Variants in MTMR11 observed in about 807,000 individuals in gnomAD.
The protein encoded by MTMR11 is myotubularin-related protein 11.
MTMR11 carries 89 observed loss-of-function variants against 100.0 expected under a neutral mutation model. That is an observed-to-expected ratio of 0.89 (90% CI 0.75 to 1.06). The LOEUF is 1.06. MTMR11 is among the 50% of genes least tolerant of loss of function. The pLI, the probability that MTMR11 is intolerant of heterozygous loss-of-function variation, is 0.00. For synonymous variants in MTMR11, 336 were observed against 326.3 expected (o/e 1.03, Z -0.32); for missense variants, 809 against 873.7 (o/e 0.93, Z 0.93).
In MTMR11 at chr1:149,930,516, C is replaced by G; in HGVS notation, c.1496G>C (p.Gly499Ala). The G allele has an allele frequency of 6.2e-7, 1 of 1,613,838 alleles. No individual in the cohort carries two copies. Among genetic ancestry groups the G allele is most frequent in the Non-Finnish European group, 8.5e-7 (1 of 1,179,882 alleles). ...LNSYTQVYTP[G>A]YSQPPAGNSF... ...GTTCCCAGCTGGAGGCTGGGAGTAT[C>G]CTGGGGTGTAGACTTGTGTATAGGA... Residue 499 changes from glycine (G) to alanine (A), a missense_variant, in exon 15 of 17, where the codon GGA becomes GCA. Coordinates refer to ENST00000439741, the MANE Select transcript of MTMR11 (RefSeq NM_001145862.2).
rs1160577019 is a variant in MTMR11, at chr1:149,936,729, C to CT, written c.-83dup. On this transcript the variant is annotated 5_prime_UTR_variant, in exon 1 of 17. The change creates a premature stop within an existing upstream ORF in the 5' untranslated region. Transcript: ENST00000439741. Reference sequence around the variant, plus strand: ...CACCCACCTCGGGGAGAGGCTGAGTCTTGTTGAGAAGAGGGGTGTTAGGGA... The same window carrying CT: ...CACCCACCTCGGGGAGAGGCTGAGTCTTTGTTGAGAAGAGGGGTGTTAGGGA... 2.1e-6 allele frequency: 2 copies of CT among 942,166 alleles called. No individual in the cohort carries two copies. The highest frequency in any genetic ancestry group is 1.4e-5 in the South Asian group (1 of 71,530). The allele number at this position is 942,166 out of a possible 1,614,324, so 58.4% of individuals were successfully genotyped here.
intron 2 of MTMR11, 114 bp from the exon 3 acceptor site, chr1:149,935,819 C>A: frequency 8.1e-7 from 1 of 1,233,704 alleles, no homozygotes; most frequent in Non-Finnish European, 1.1e-6. Context: ...AAATCCTCCC[C>A]AAAGCCCACT....
Position 149,933,795 on chromosome 1 carries a change from G to C in MTMR11, c.771+60C>G. ...ACCTCACAGAGGTTCCTCCCTCCAC[G>C]ATGTCCCTGGCCCACATGACCCTCT... On this transcript the variant is annotated intron_variant, in intron 8 of 16. Transcript: ENST00000439741. 1.9e-6 allele frequency: 3 copies of C among 1,605,888 alleles called. No homozygotes were observed. The South Asian group carries it at 3.3e-5, about 18-fold the overall frequency.
chr1:149,932,684 G>T (rs191500083), intron 10 of MTMR11, among the ~76,000 whole-genome samples: 15 of 152,104 alleles, frequency 9.9e-5, no homozygotes, highest in Non-Finnish European at 1.9e-4. Flanking sequence ...GACGGCTTGT[G>T]CCTGTAATCC....
intron 5 of MTMR11, 62 bp downstream of exon 5, chr1:149,934,924 G>A (rs2092703844): frequency 6.4e-7 from 1 of 1,568,458 alleles, no homozygotes; most frequent in African/African-American, 1.4e-5. Context: ...CTCAGAAATT[G>A]TCAGGGAGAG....
intron 2 of MTMR11, 106 bp downstream of exon 2, chr1:149,936,048 C>T: frequency 3.9e-6 from 5 of 1,271,266 alleles, no homozygotes; most frequent in Non-Finnish European, 5.7e-6. Context: ...GGCAGACGTA[C>T]TTCGAGCCAC....
chr1:149,930,687 T>A, intron 14 of MTMR11, 105 bp downstream of exon 14: 1 of 1,366,418 alleles, frequency 7.3e-7, no homozygotes, highest in Non-Finnish European at 9.9e-7. Flanking sequence ...AATCTCCCCC[T>A]CCCCACTCAC....
In MTMR11 at chr1:149,933,433, G is replaced by A. The variant is rs781926666; in HGVS notation, c.958C>T (p.Leu320=). Residue 320 remains leucine, a synonymous_variant, in exon 10 of 17, where the codon CTG becomes TTG. Coordinates refer to ENST00000439741, the MANE Select transcript of MTMR11 (RefSeq NM_001145862.2). ...GGCAGGCAGAGGGCCCTCAGCCTCA[G>A]GTGGGCAAGTTGGACATCTGCAAGG... ...PSLADVQLAH[L]RLRALCLPDS... The A allele has an allele frequency of 6.2e-7, 1 of 1,614,180 alleles. No homozygotes were observed. Among genetic ancestry groups the A allele is most frequent in the Non-Finnish European group, 8.5e-7 (1 of 1,180,040 alleles).
At chr1:149,930,635 G>C in intron 14 of MTMR11, 88 bp from the exon 15 acceptor site, 1 of 1,407,982 alleles carries the variant, frequency 7.1e-7, no homozygotes, top group African/African-American at 1.4e-5. Context: ...TCTTATTCTA[G>C]GAAAGATGTA....
At chr1:149,929,501 G>T in intron 16 of MTMR11, 122 bp downstream of exon 16, 1 of 1,293,906 alleles carries the variant, frequency 7.7e-7, no homozygotes, top group South Asian at 1.4e-5. Context: ...GATGCCAAGA[G>T]GAGTAGAACT....
chr1:149,931,846 A>C, intron 12 of MTMR11, 98 bp downstream of exon 12: 1 of 1,067,336 alleles, frequency 9.4e-7, no homozygotes, highest in Admixed American at 1.9e-5. Context: ...GGAACAGGAG[A>C]GGAAGAAGCC....
Position 149,935,373 on chromosome 1 carries a change from G to T in MTMR11, c.265-14C>A. On this transcript the variant is annotated splice_polypyrimidine_tract_variant and intron_variant, in intron 3 of 16. Coordinates refer to ENST00000439741, the MANE Select transcript of MTMR11 (RefSeq NM_001145862.2). ...CAAGGGAGTGTCCTAGACGAAACAC[G>T]TGACTGGGTAGACATCTGAAATCGC... 2.5e-6 allele frequency: 4 copies of T among 1,613,308 alleles called. No individual in the cohort carries two copies. Among genetic ancestry groups the T allele is most frequent in the Non-Finnish European group, 3.4e-6 (4 of 1,179,490 alleles).
chr1:149,930,826 T>C lies in MTMR11; in HGVS notation c.1430A>G (p.Asn477Ser), dbSNP rs782282538. The C allele has an allele frequency of 3.6e-5, 57 of 1,596,236 alleles. No homozygotes were observed. Among genetic ancestry groups the C allele is most frequent in the Non-Finnish European group, 4.9e-5 (57 of 1,174,374 alleles). ...CTGCTTTCCGCGCTCCCAGGGGGTA[T>C]TTCTCAGGAAGGTAAGGGTGTCAGG... ...RVPDTLTFLR[N>S]TPWERGKQSG... The change falls in exon 14 of 17, where the codon AAT (asparagine) becomes AGT (serine). Residue 477 changes from asparagine to serine, a missense_variant. Transcript: ENST00000439741.
intron 5 of MTMR11, 61 bp from the exon 6 acceptor site, chr1:149,934,587 T>C: frequency 6.6e-7 from 1 of 1,520,578 alleles, no homozygotes; most frequent in Non-Finnish European, 9.1e-7. Flanking sequence ...AAGAAGGAAA[T>C]GGAGCCCATG....
intron 2 of MTMR11, among the ~76,000 whole-genome samples, 167 bp from the exon 3 acceptor site, chr1:149,935,872 T>G: frequency 6.6e-6 from 1 of 152,252 alleles, no homozygotes; most frequent in East Asian, 1.9e-4. Context: ...TTTTAATTTC[T>G]GTAACTAGAA....
Position 149,936,775 on chromosome 1 carries a change from C to A in MTMR11, c.-128G>T. The A allele has an allele frequency of 1.4e-6, 1 of 692,244 alleles. No homozygotes were observed. Among genetic ancestry groups the A allele is most frequent in the Non-Finnish European group, 2.5e-6 (1 of 393,104 alleles). 42.9% of individuals were successfully genotyped at this position (692,244 alleles called of 1,614,324 possible). On this transcript the variant is annotated 5_prime_UTR_variant, in exon 1 of 17. Transcript: ENST00000439741. ...AGGGAGAGGGGTAGGGGGTTGGACA[C>A]AAGGGAAAGGAGCATTTGACGTGCA...
Position 149,930,288 on chromosome 1 carries a change from T to C in MTMR11, c.1647+77A>G. On this transcript the variant is annotated intron_variant, in intron 15 of 16. Coordinates refer to ENST00000439741, the MANE Select transcript of MTMR11 (RefSeq NM_001145862.2). ...TTTCCCTAAGGAACTCAAGACATTT[T>C]GTCTTTCACTTCTCACTGTCTAGTA... 3.5e-6 allele frequency: 5 copies of C among 1,412,418 alleles called. No individual in the cohort carries two copies. In the South Asian group the frequency reaches 5.3e-5, roughly 15 times the overall value. The allele number at this position is 1,412,418 out of a possible 1,614,324, so 87.5% of individuals were successfully genotyped here.
chr1:149,928,888 G>A lies in MTMR11; in HGVS notation c.*241C>T, dbSNP rs2092615734. The A allele has an allele frequency of 1.2e-6, 2 of 1,613,924 alleles. No homozygotes were observed. The highest frequency in any genetic ancestry group is 1.7e-5 in the Admixed American group (1 of 59,992). On this transcript the variant is annotated 3_prime_UTR_variant, in exon 17 of 17. Coordinates refer to ENST00000439741, the MANE Select transcript of MTMR11 (RefSeq NM_001145862.2). ...TGATTTAACATCTGGTTATCCAGAA[G>A]GGATGGGATTGGCCTAAAAAAACCG...
chr1:149,931,438 A>G lies in MTMR11; in HGVS notation c.1124-12T>C, dbSNP rs1290182378. The G allele has an allele frequency of 1.9e-6, 3 of 1,570,764 alleles. No individual in the cohort carries two copies. Among genetic ancestry groups the G allele is most frequent in the Non-Finnish European group, 2.6e-6 (3 of 1,159,902 alleles). ...ACGATCACCGCGCTCTGGGTGATAA[A>G]GAGGAAGAAGGGACAAAGAAGAGGG... On this transcript the variant is annotated splice_polypyrimidine_tract_variant and intron_variant, in intron 12 of 16. Transcript: ENST00000439741.
Sources: allele counts gnomAD v4.1 joint callset (sites outside exome capture counted in the v4.1 genomes callset), GRCh38; gene constraint gnomAD v4.1.1; transcripts MANE v1.5; gene names NCBI Gene and HGNC (gene_info 2026-07-23, HGNC 2026-07-21).